The following LRFN5 variants were observed in gnomAD, a reference collection of about 807,000 sequenced individuals.
LRFN5 encodes the protein leucine rich repeat and fibronectin type III domain containing 5, also known as leucine-rich repeat and fibronectin type-III domain-containing protein 5.
LRFN5 carries 24 observed loss-of-function variants against 45.6 expected under a neutral mutation model. The ratio of observed to expected loss-of-function variants is 0.53; its 90% CI spans 0.38 to 0.74. LRFN5 has a LOEUF of 0.74. Ranked by LOEUF, LRFN5 falls within the 30% of genes least tolerant of loss-of-function variation. LRFN5 has a pLI of 0.00. For synonymous variants in LRFN5, 340 were observed against 313.8 expected (o/e 1.08, Z -0.88); for missense variants, 776 against 861.5 (o/e 0.90, Z 1.24).
At chr14:41,897,959 C>G (rs554692062) in intron 4 of LRFN5, among the ~76,000 whole-genome samples, 2 of 152,082 alleles carry the variant, frequency 1.3e-5, no homozygotes, top group African/African-American at 4.8e-5. Flanking sequence ...TGAGTAAAAT[C>G]AAGGAGCTTA....
chr14:41,741,991 G>T (rs1338639447), intron 1 of LRFN5, among the ~76,000 whole-genome samples: 1 of 151,610 alleles, frequency 6.6e-6, no homozygotes, highest in African/African-American at 2.4e-5. Flanking sequence ...CATTAAAATG[G>T]CTATTACAAA....
chr14:41,652,129 G>A (rs1055049165), intron 1 of LRFN5, among the ~76,000 whole-genome samples: 16 of 151,984 alleles, frequency 1.1e-4, no homozygotes, highest in Non-Finnish European at 4.4e-5. Flanking sequence ...AATGACTGAT[G>A]TATAGATAAA....
rs184288597 is a variant in LRFN5 at position 41,850,019 on chromosome 14, A to G, written c.-20-36587A>G. ...CTTTTCAAGGGTTAGAATAGAAACA[A>G]TGACCTACTTAGGTTTTGGTCTTCA... is the stretch of plus-strand genomic sequence containing the variant. On this transcript the variant is annotated intron_variant, in intron 2 of 5. Coordinates refer to ENST00000298119, the MANE Select transcript of LRFN5 (RefSeq NM_152447.5). Among the ~76,000 whole-genome samples the G allele has an allele frequency of 1.5e-4, 23 of 152,038 alleles. No individual in the cohort carries two copies. In the East Asian group the frequency reaches 4.5e-3, roughly 29 times the overall value.
intron 2 of LRFN5, among the ~76,000 whole-genome samples, chr14:41,826,531 C>G (rs1450495467): frequency 2.6e-5 from 4 of 152,098 alleles, no homozygotes; most frequent in Non-Finnish European, 5.9e-5. Flanking sequence ...CACCACCTAC[C>G]TAGGGATATT....
chr14:41,786,435 T>C (rs7152705), intron 2 of LRFN5, among the ~76,000 whole-genome samples: 37,107 of 151,910 alleles, frequency 0.24, 5,067 homozygotes, highest in South Asian at 0.43. Context: ...TTCAACTCTC[T>C]TCTTTCTTAC....
At chr14:41,791,465 T>C (rs17181699) in intron 2 of LRFN5, among the ~76,000 whole-genome samples, 22,772 of 152,028 alleles carry the variant, frequency 0.15, 1,843 homozygotes, top group Non-Finnish European at 0.18. Context: ...TAGGCAGTAA[T>C]AGGTAACAAT....
At chr14:41,890,316 A>G (rs148754719) in intron 3 of LRFN5, among the ~76,000 whole-genome samples, 1 of 152,282 alleles carries the variant, frequency 6.6e-6, no homozygotes, top group East Asian at 1.9e-4. Context: ...TTCTAGGATA[A>G]TATTACTTGT....
At chr14:41,739,579 G>A (rs1403026365) in intron 1 of LRFN5, among the ~76,000 whole-genome samples, 10 of 151,222 alleles carry the variant, frequency 6.6e-5, no homozygotes, top group Non-Finnish European at 1.0e-4. Context: ...TCCTTAGAGG[G>A]AATTTTATAA....
intron 1 of LRFN5, among the ~76,000 whole-genome samples, chr14:41,757,175 G>A (rs1594680289): frequency 6.6e-6 from 1 of 152,180 alleles, no homozygotes; most frequent in South Asian, 2.1e-4. Flanking sequence ...CTACTAGGGG[G>A]TGCCTCCCAG....
At chr14:41,711,875 T>A (rs1014361312) in intron 1 of LRFN5, among the ~76,000 whole-genome samples, 1 of 152,222 alleles carries the variant, frequency 6.6e-6, no homozygotes, top group Non-Finnish European at 1.5e-5. Context: ...CCGTTTTGTG[T>A]GTGTGCATGT....
intron 1 of LRFN5, among the ~76,000 whole-genome samples, chr14:41,613,417 G>A (rs1330767148): frequency 3.3e-5 from 5 of 151,656 alleles, no homozygotes; most frequent in Admixed American, 2.0e-4. Context: ...GTGTACCCCA[G>A]AACTTAAAAT....
intron 1 of LRFN5, among the ~76,000 whole-genome samples, chr14:41,639,014 A>G (rs897994298): frequency 6.6e-6 from 1 of 152,090 alleles, no homozygotes; most frequent in Non-Finnish European, 1.5e-5. Context: ...GTGTCATTAT[A>G]TTTACAGTAA....
chr14:41,731,763 C>G (rs1416754599), intron 1 of LRFN5: 1 of 152,118 alleles, frequency 6.6e-6, no homozygotes, highest in Non-Finnish European at 1.5e-5. Flanking sequence ...CCTTCTTTAT[C>G]TCCTTCAGAT....
chr14:41,844,502 G>A (rs897758279), intron 2 of LRFN5, among the ~76,000 whole-genome samples: 1 of 151,872 alleles, frequency 6.6e-6, no homozygotes, highest in Non-Finnish European at 1.5e-5. Context: ...GCGGTAAGAT[G>A]GGAATTTCTA....
intron 2 of LRFN5, among the ~76,000 whole-genome samples, chr14:41,877,234 A>C (rs968529711): frequency 2.0e-5 from 3 of 152,282 alleles, no homozygotes; most frequent in African/African-American, 7.2e-5. Flanking sequence ...GCAGTTGTGC[A>C]ATATAGTTGC....
At chr14:41,900,386 ATTTAGACTTTCTT>A (rs1210335137) in intron 5 of LRFN5, among the ~76,000 whole-genome samples, 1 of 152,066 alleles carries the variant, frequency 6.6e-6, no homozygotes, top group Non-Finnish European at 1.5e-5. Context: ...TATAAATGGA[ATTTAGACTTTCTT>A]TGGAAGTCTT....
chr14:41,706,046 G>A (rs1379706152), intron 1 of LRFN5, among the ~76,000 whole-genome samples: 1 of 151,836 alleles, frequency 6.6e-6, no homozygotes, highest in Non-Finnish European at 1.5e-5. Context: ...TATCACTTAT[G>A]CTGTTTGTTT....
chr14:41,801,774 A>G (rs777364078), intron 2 of LRFN5, among the ~76,000 whole-genome samples: 3 of 152,292 alleles, frequency 2.0e-5, no homozygotes, highest in Middle Eastern at 6.8e-3. Context: ...TGCTCTTCTG[A>G]GAATGAAAGA....
At chr14:41,893,090 A>G in intron 4 of LRFN5, 2 of 984,986 alleles carry the variant, frequency 2.0e-6, no homozygotes, top group Non-Finnish European at 2.4e-6. Flanking sequence ...CATTTGCACT[A>G]TAGTTTTTGC....
Sources: allele counts gnomAD v4.1 joint callset (sites outside exome capture counted in the v4.1 genomes callset), GRCh38; gene constraint gnomAD v4.1.1; transcripts MANE v1.5; gene names NCBI Gene and HGNC (gene_info 2026-07-23, HGNC 2026-07-21).